The following PHACTR1 variants were observed in gnomAD, a reference collection of about 807,000 sequenced individuals.
PHACTR1 encodes the protein phosphatase and actin regulator 1, also known as RPEL repeat containing 1.
Under a neutral mutation model 69.2 loss-of-function variants are expected in PHACTR1, and 16 were observed. That is an observed-to-expected ratio of 0.23 (90% confidence interval 0.16 to 0.35). The LOEUF (loss-of-function observed/expected upper bound fraction) is 0.35, where lower values mean the gene tolerates loss of function less well. Ranked by LOEUF, PHACTR1 falls within the 10% of genes least tolerant of loss-of-function variation. The probability of loss-of-function intolerance (pLI) is 1.00; values close to 1 mark genes in which losing one functional copy is unlikely to be tolerated. For synonymous variants in PHACTR1, 312 were observed against 284.5 expected, an observed-to-expected ratio of 1.10 and a Z score of -0.97; for missense variants, 510 against 734.7, an observed-to-expected ratio of 0.69 and a Z score of 3.54.
In PHACTR1 at chr6:13,047,428, G is replaced by A. The variant is rs188930826; in HGVS notation, c.251-5937G>A. On this transcript the variant is annotated intron_variant, in intron 4 of 14. Transcript: ENST00000332995. Reference sequence around the variant, plus strand: ...GGCAGTGCTGCTGCTTCAGCGTAGTGAGCTGACAGCCTACCTTACCTCCAC... The same window carrying A: ...GGCAGTGCTGCTGCTTCAGCGTAGTAAGCTGACAGCCTACCTTACCTCCAC... Among the ~76,000 whole-genome samples, 208 of 148,716 alleles carry A rather than the reference G, an allele frequency of 1.4e-3. 4 individuals carry two copies. Among genetic ancestry groups the A allele is most frequent in the Non-Finnish European group, 1.6e-4 (11 of 67,466 alleles).
chr6:13,171,724 A>G (rs1760647213), intron 6 of PHACTR1, among the ~76,000 whole-genome samples: 1 of 152,144 alleles, frequency 6.6e-6, no homozygotes, highest in Admixed American at 6.5e-5. Context: ...GAGCTGTGCA[A>G]ATTTTGAAAT....
At chr6:13,184,232 G>A (rs1011089056) in intron 7 of PHACTR1, among the ~76,000 whole-genome samples, 12 of 152,194 alleles carry the variant, frequency 7.9e-5, no homozygotes, top group East Asian at 5.8e-4. Flanking sequence ...AGGTGTCAGC[G>A]TTCCAGGCTG....
At chr6:12,883,955 C>T (rs566005010) in intron 4 of PHACTR1, among the ~76,000 whole-genome samples, 71 of 152,058 alleles carry the variant, frequency 4.7e-4, no homozygotes, top group Admixed American at 7.9e-4. Flanking sequence ...TACATATACA[C>T]ACAGTCACAC....
intron 4 of PHACTR1, among the ~76,000 whole-genome samples, chr6:12,787,015 G>A (rs1412751): frequency 0.44 from 67,154 of 151,984 alleles, 15,618 homozygotes; most frequent in African/African-American, 0.55. Context: ...AATACTGCCA[G>A]GGAAAATATT....
At chr6:12,721,895 C>A (rs1176482739) in intron 3 of PHACTR1, among the ~76,000 whole-genome samples, 2 of 152,218 alleles carry the variant, frequency 1.3e-5, no homozygotes, top group African/African-American at 2.4e-5. Flanking sequence ...CACACATTGG[C>A]CGGATTCAAG....
intron 3 of PHACTR1, among the ~76,000 whole-genome samples, chr6:12,725,479 C>T (rs556388636): frequency 6.6e-5 from 10 of 152,296 alleles, no homozygotes; most frequent in East Asian, 1.9e-4. Context: ...CAGCTGTTCA[C>T]GCCTACACTA....
At chr6:12,944,787 A>ATTTTTTTTTTTTT (rs67157877) in intron 4 of PHACTR1, among the ~76,000 whole-genome samples, 1 of 116,340 alleles carries the variant, frequency 8.6e-6, no homozygotes, top group African/African-American at 3.3e-5. Context: ...ATTTTTATTT[A>ATTTTTTTTTTTTT]TTTTTTTTTT....
intron 10 of PHACTR1, among the ~76,000 whole-genome samples, chr6:13,248,490 G>A (rs944603244): frequency 6.6e-6 from 1 of 151,750 alleles, no homozygotes; most frequent in Non-Finnish European, 1.5e-5. Flanking sequence ...TATGGAACAT[G>A]TTTTGAACTT....
chr6:13,160,088 C>T (rs531241615), intron 5 of PHACTR1, 116 bp from the exon 6 acceptor site: 29 of 875,672 alleles, frequency 3.3e-5, no homozygotes, highest in Admixed American at 9.5e-5. Context: ...TAGCAAAGCA[C>T]GATTTACAGA....
At chr6:12,987,346 C>T (rs1004995507) in intron 4 of PHACTR1, among the ~76,000 whole-genome samples, 4 of 152,002 alleles carry the variant, frequency 2.6e-5, no homozygotes, top group Admixed American at 1.3e-4. Context: ...AATAGCATTG[C>T]GGACCAGAAC....
chr6:12,777,566 TCA>T lies in PHACTR1; in HGVS notation c.250+27777_250+27778del, dbSNP rs1423843851. On this transcript the variant is annotated intron_variant, in intron 4 of 14. Transcript: ENST00000332995. ...CCATGTTGCTGCAAAGGCCATGACC[TCA>T]TTCTTTTTTATGGCTGCATAATATT... 1.1e-4 allele frequency among the ~76,000 whole-genome samples: 16 copies of T among 151,640 alleles called. 1 individual carries two copies. The highest frequency in any genetic ancestry group is 1.0e-3 in the South Asian group (5 of 4,792).
At position 13,230,089 on chromosome 6, in the gene PHACTR1, C is replaced by T. The variant is rs143766526; in HGVS notation, c.1287C>T (p.Ser429=). 163 of 1,611,558 alleles carry T rather than the reference C, an allele frequency of 1.0e-4. No individual in the cohort carries two copies. The East Asian group carries it at 3.6e-3, about 35-fold the overall frequency. ...CRKDSLAIKL[S]NRPSKRELEE... is the part of the protein sequence containing the mutation. ...AGGACTCCTTAGCCATCAAACTCAGCAACAGGCCCTCCAAGCGAGAGCTGG... is the reference window on the plus strand; with the variant it reads ...AGGACTCCTTAGCCATCAAACTCAGTAACAGGCCCTCCAAGCGAGAGCTGG... The change falls in exon 10 of 15, where the codon AGC becomes AGT. Residue 429 remains serine, a synonymous_variant. Coordinates refer to ENST00000332995, the MANE Select transcript of PHACTR1 (RefSeq NM_030948.6).
chr6:12,731,330 A>G (rs1412824766), intron 3 of PHACTR1, among the ~76,000 whole-genome samples: 1 of 152,044 alleles, frequency 6.6e-6, no homozygotes, highest in Non-Finnish European at 1.5e-5. Context: ...CCTTTTTAAA[A>G]CCCATGCAGT....
intron 4 of PHACTR1, among the ~76,000 whole-genome samples, chr6:12,971,656 A>C (rs1257863825): frequency 6.6e-6 from 1 of 152,206 alleles, no homozygotes; most frequent in Non-Finnish European, 1.5e-5. Flanking sequence ...CCTTTTTAGG[A>C]TGATGGAACT....
At chr6:13,127,246 A>G (rs1397927816) in intron 5 of PHACTR1, among the ~76,000 whole-genome samples, 2 of 152,148 alleles carry the variant, frequency 1.3e-5, no homozygotes, top group East Asian at 1.9e-4. Context: ...CATCTTTCAC[A>G]TGGAAATTAT....
chr6:12,989,061 G>C (rs887649942), intron 4 of PHACTR1, among the ~76,000 whole-genome samples: 1 of 152,186 alleles, frequency 6.6e-6, no homozygotes, highest in African/African-American at 2.4e-5. Flanking sequence ...AACCACTCAA[G>C]ATGAATATTT....
At chr6:13,032,601 A>G (rs574863818) in intron 4 of PHACTR1, among the ~76,000 whole-genome samples, 1 of 152,164 alleles carries the variant, frequency 6.6e-6, no homozygotes, top group African/African-American at 2.4e-5. Flanking sequence ...TTGTTTGAGA[A>G]TATGGAAGAT....
At chr6:13,141,525 A>G (rs1365673240) in intron 5 of PHACTR1, among the ~76,000 whole-genome samples, 1 of 152,188 alleles carries the variant, frequency 6.6e-6, no homozygotes, top group African/African-American at 2.4e-5. Flanking sequence ...TGCAGTCACA[A>G]AAAACTAGTG....
At position 12,822,111 on chromosome 6, in the gene PHACTR1, G is replaced by A. The variant is rs1346458359; in HGVS notation, c.250+72321G>A. 4.6e-5 allele frequency among the ~76,000 whole-genome samples: 7 copies of A among 152,288 alleles called. 1 individual carries two copies. Among genetic ancestry groups the A allele is most frequent in the African/African-American group, 1.7e-4 (7 of 41,540 alleles). On this transcript the variant is annotated intron_variant, in intron 4 of 14. Transcript: ENST00000332995. ...TGGTAGAAGACTCTGGGCTGCTGGA[G>A]GACACAGGTCTGGAAATATAAGGGA...
Sources: gnomAD v4.1 joint callset for allele counts (sites outside exome capture counted in the v4.1 genomes callset) on GRCh38, gnomAD v4.1.1 for gene constraint, MANE v1.5 for transcripts, NCBI Gene and HGNC (gene_info 2026-07-23, HGNC 2026-07-21) for gene names.